Variants in NFYC observed in about 807,000 individuals in gnomAD.
NFYC encodes nuclear transcription factor Y subunit gamma, also known as CAAT box DNA-binding protein subunit C.
NFYC carries 25 observed loss-of-function variants against 53.1 expected under a neutral mutation model. The observed-to-expected ratio is 0.47, with a 90% CI of 0.34 to 0.66. NFYC has a LOEUF of 0.66. NFYC is among the 30% of genes least tolerant of loss of function. NFYC has a pLI of 0.01. For synonymous variants in NFYC, 145 were observed against 152.6 expected, an observed-to-expected ratio of 0.95 and a Z score of 0.37; for missense variants, 260 against 422.7, an observed-to-expected ratio of 0.62 and a Z score of 3.38.
intron 1 of NFYC, chr1:40,695,613 C>T (rs369172972): frequency 6.6e-6 from 1 of 152,098 alleles, no homozygotes; most frequent in South Asian, 2.1e-4. Flanking sequence ...TAGACACGGG[C>T]TTCCACCATG....
At chr1:40,714,504 TGAACGATGTAAGTTATGTAATATTTAA>T (rs1644049846) in intron 1 of NFYC, among the ~76,000 whole-genome samples, 1 of 152,244 alleles carries the variant, frequency 6.6e-6, no homozygotes, top group African/African-American at 2.4e-5. Flanking sequence ...AATGAGGGCT[TGAACGATGTAAGTTATGTAATATTTAA>T]GTCCTAAAGT....
intron 1 of NFYC, among the ~76,000 whole-genome samples, chr1:40,738,130 C>T (rs1473337961): frequency 2.6e-5 from 4 of 151,922 alleles, no homozygotes; most frequent in Non-Finnish European, 5.9e-5. Flanking sequence ...TCTCGATCTC[C>T]TGACCTTGTG....
intron 4 of NFYC, among the ~76,000 whole-genome samples, chr1:40,752,474 A>C (rs1440291272): frequency 6.6e-6 from 1 of 152,140 alleles, no homozygotes; most frequent in African/African-American, 2.4e-5. Context: ...AACCCCCATT[A>C]GAGCAGGTCT....
intron 1 of NFYC, among the ~76,000 whole-genome samples, chr1:40,714,604 A>G (rs546606443): frequency 6.6e-6 from 1 of 152,268 alleles, no homozygotes; most frequent in African/African-American, 2.4e-5. Flanking sequence ...TACATTTCCC[A>G]GAAGTTTAGT....
intron 5 of NFYC, among the ~76,000 whole-genome samples, chr1:40,755,959 T>G (rs1646195340): frequency 6.6e-6 from 1 of 152,130 alleles, no homozygotes; most frequent in African/African-American, 2.4e-5. Flanking sequence ...AACTGGAGAC[T>G]AAACAATCAC....
intron 7 of NFYC, chr1:40,763,459 GC>G (rs1225426514): frequency 1.1e-5 from 5 of 451,598 alleles, no homozygotes; most frequent in South Asian, 7.8e-5. Context: ...CGATTCTCCT[GC>G]CTCAGCCTCC....
intron 6 of NFYC, 52 bp from the exon 7 acceptor site, chr1:40,762,836 T>A (rs1646618725): frequency 9.6e-6 from 14 of 1,459,032 alleles, no homozygotes; most frequent in Non-Finnish European, 1.3e-5. Context: ...TCGGTAATCC[T>A]GTGGGCTCTG....
intron 1 of NFYC, among the ~76,000 whole-genome samples, chr1:40,703,513 G>C (rs965166915): frequency 8.5e-6 from 1 of 118,210 alleles, no homozygotes; most frequent in Non-Finnish European, 1.8e-5. Context: ...AGCTCTTATT[G>C]CAGTTAACCA....
chr1:40,707,736 G>A (rs1017048860), intron 1 of NFYC, among the ~76,000 whole-genome samples: 1 of 151,710 alleles, frequency 6.6e-6, no homozygotes, highest in Non-Finnish European at 1.5e-5. Flanking sequence ...CTACTCAGGA[G>A]GCTAAGGTGG....
At position 40,737,257 on chromosome 1, in the gene NFYC, C is replaced by T. The variant is rs118008334; in HGVS notation, c.-8-1579C>T. 9.2e-5 allele frequency among the ~76,000 whole-genome samples: 14 copies of T among 151,918 alleles called. No homozygotes were observed. The East Asian group carries it at 2.1e-3, about 23-fold the overall frequency. ...AGCTGACATGAGGATCCTTATTCAT[C>T]TTCCCTCCTTTGTCACAAAGCAGTT... On this transcript the variant is annotated intron_variant, in intron 1 of 9. Transcript: ENST00000447388.
chr1:40,770,550 T>C lies in NFYC; in HGVS notation c.889-159T>C. ...GGCTGGTGCCTCCTGTGTCTGCTGC[T>C]CCCAACCCCAGCAGAGCTCCACTTC... On this transcript the variant is annotated intron_variant, in intron 9 of 9. Coordinates refer to ENST00000447388, the MANE Select transcript of NFYC (RefSeq NM_014223.5). This position sits in a 1 kb window ranked among gnomAD's most constrained non-coding sequence, Gnocchi z 5.3. The C allele has an allele frequency of 6.3e-7, 1 of 1,582,782 alleles. No individual in the cohort carries two copies. Among genetic ancestry groups the C allele is most frequent in the Non-Finnish European group, 8.6e-7 (1 of 1,164,492 alleles).
chr1:40,758,174 G>T lies in NFYC; in HGVS notation c.441G>T (p.Thr147=), dbSNP rs775910949. 1 of 1,612,442 alleles carries T rather than the reference G, an allele frequency of 6.2e-7. No homozygotes were observed. The highest frequency in any genetic ancestry group is 8.5e-7 in the Non-Finnish European group (1 of 1,179,982). The change falls in exon 6 of 10, where the codon ACG becomes ACT. Residue 147 remains threonine, a synonymous_variant. Transcript: ENST00000447388. ...TPAEPVQYYF[T]LAQQPTAVQV... Reference sequence around the variant, plus strand: ...CCGAGCCAGTCCAGTACTATTTCACGCTGGCTCAGCAACCCACCGCTGTCC... The same window carrying T: ...CCGAGCCAGTCCAGTACTATTTCACTCTGGCTCAGCAACCCACCGCTGTCC...
At chr1:40,749,487 A>G in intron 3 of NFYC, 86 bp from the exon 4 acceptor site, 1 of 1,020,116 alleles carries the variant, frequency 9.8e-7, no homozygotes, top group Non-Finnish European at 1.6e-6. Flanking sequence ...CTTGCCCCAT[A>G]GTCCCATGCC....
chr1:40,762,758 A>C, intron 6 of NFYC, 130 bp from the exon 7 acceptor site: 1 of 770,920 alleles, frequency 1.3e-6, no homozygotes, highest in East Asian at 3.0e-5. Flanking sequence ...GGTTATTACT[A>C]GTACTGAGAT....
At chr1:40,736,957 C>G (rs763186623) in intron 1 of NFYC, among the ~76,000 whole-genome samples, 94 of 151,450 alleles carry the variant, frequency 6.2e-4, no homozygotes, top group Non-Finnish European at 1.1e-3. Flanking sequence ...GAAACCCCAT[C>G]TTTACTAAAA....
rs1464232976 is a variant in NFYC, at chr1:40,749,651, A to G, written c.256A>G (p.Ile86Val). 16 of 1,614,056 alleles carry G rather than the reference A, an allele frequency of 9.9e-6. No individual in the cohort carries two copies. Among genetic ancestry groups the G allele is most frequent in the Non-Finnish European group, 1.3e-5 (15 of 1,180,018 alleles). ...CACAGAGTTGACTCTTCGAGCCTGG[A>G]TTCACACAGAAGATAACAAGCGCCG... ...FITELTLRAW[I>V]HTEDNKRRTL... Residue 86 changes from isoleucine (I) to valine (V), a missense_variant, in exon 4 of 10, where the codon ATT becomes GTT. Transcript: ENST00000447388.
Position 40,753,149 on chromosome 1 carries a change from AGAGAAAT to A in NFYC, c.293_299del (p.Arg98IlefsTer24), listed in dbSNP as rs1557883247. ...TTTTCACACCGCTCTTCTTTGTTAC[AGAGAAAT>A]GATATCGCCATGGCAATTACAAAAT... On this transcript the variant is annotated splice_acceptor_variant and coding_sequence_variant, in exon 5 of 10. Transcript: ENST00000447388. LOFTEE classifies it high-confidence loss of function. 4 of 1,608,624 alleles carry A rather than the reference AGAGAAAT, an allele frequency of 2.5e-6. No homozygotes were observed.
At chr1:40,721,921 A>G (rs1262247157) in intron 1 of NFYC, among the ~76,000 whole-genome samples, 1 of 152,108 alleles carries the variant, frequency 6.6e-6, no homozygotes, top group Non-Finnish European at 1.5e-5. Flanking sequence ...CTGTAATCCC[A>G]GCACTTTGGG....
At chr1:40,727,532 C>CTTT (rs372284521) in intron 1 of NFYC, among the ~76,000 whole-genome samples, 25,993 of 129,784 alleles carry the variant, frequency 0.2, 3,055 homozygotes, top group South Asian at 0.41. Context: ...CATGAATATT[C>CTTT]TTTTTTTTTT....
Sources: allele counts gnomAD v4.1 joint callset (sites outside exome capture counted in the v4.1 genomes callset), GRCh38; gene constraint gnomAD v4.1.1; non-coding constraint Gnocchi (gnomAD v3.1); transcripts MANE v1.5; gene names NCBI Gene and HGNC (gene_info 2026-07-23, HGNC 2026-07-21).